POLR3A: variants seen among roughly 807,000 people sequenced by gnomAD.
The protein encoded by POLR3A is DNA-directed RNA polymerase III subunit RPC1.
Under a neutral mutation model 152.8 loss-of-function variants are expected in POLR3A, and 112 were observed. The ratio of observed to expected loss-of-function variants is 0.73; its 90% CI spans 0.63 to 0.86. POLR3A has a LOEUF of 0.86. Ranked by LOEUF, POLR3A falls within the 40% of genes least tolerant of loss-of-function variation. The probability of loss-of-function intolerance (pLI) is 0.00; values close to 1 mark genes in which losing one functional copy is unlikely to be tolerated. For missense variants in POLR3A, 1,385 were observed against 1,743.1 expected (o/e 0.79, Z 3.66); for synonymous variants, 615 against 652.1 (o/e 0.94, Z 0.87).
intron 5 of POLR3A, among the ~76,000 whole-genome samples, chr10:78,023,619 T>A (rs1847601458): frequency 6.6e-6 from 1 of 150,810 alleles, no homozygotes; most frequent in Admixed American, 6.6e-5. Flanking sequence ...CTACAACAAA[T>A]TAAAAAATTG....
chr10:78,023,356 A>C (rs904440946), intron 5 of POLR3A, among the ~76,000 whole-genome samples: 1 of 152,110 alleles, frequency 6.6e-6, no homozygotes, highest in Non-Finnish European at 1.5e-5. Flanking sequence ...GCAACTCGGG[A>C]GGCTGAGGCA....
chr10:77,977,549 T>G lies in POLR3A; in HGVS notation c.4102A>C (p.Arg1368=). 1 of 1,614,050 alleles carries G rather than the reference T, an allele frequency of 6.2e-7. No individual in the cohort carries two copies. Among genetic ancestry groups the G allele is most frequent in the Non-Finnish European group, 8.5e-7 (1 of 1,179,932 alleles). ...GLFKLLHKAD[R]DPNPPKRPLI... ...GGCCTCTTGGGAGGGTTCGGGTCCC[T>G]GTCAGCCTTGTGAAGCAGCTTGAAG... The change falls in exon 31 of 31, where the codon AGG becomes CGG. Residue 1368 remains arginine, a synonymous_variant. Coordinates refer to ENST00000372371, the MANE Select transcript of POLR3A (RefSeq NM_007055.4).
intron 5 of POLR3A, among the ~76,000 whole-genome samples, chr10:78,023,094 GT>G (rs1177671232): frequency 3.3e-5 from 5 of 151,910 alleles, no homozygotes; most frequent in African/African-American, 1.2e-4. Context: ...GGAGGCAGAG[GT>G]TGCCGTGAGC....
At chr10:78,011,876 T>C (rs569010026) in intron 11 of POLR3A, among the ~76,000 whole-genome samples, 100 of 152,318 alleles carry the variant, frequency 6.6e-4, no homozygotes, top group Non-Finnish European at 1.2e-3. Flanking sequence ...CCCAAAATCC[T>C]TGGAGACTTT....
Position 78,029,499 on chromosome 10 carries a change from G to A in POLR3A, c.-92C>T. The A allele has an allele frequency of 7.7e-7, 1 of 1,303,328 alleles. No homozygotes were observed. Among genetic ancestry groups the A allele is most frequent in the Non-Finnish European group, 1.1e-6 (1 of 906,900 alleles). The allele number at this position is 1,303,328 out of a possible 1,614,324, so 80.7% of individuals were successfully genotyped here. A position where few individuals can be genotyped will look rare whatever the true frequency, so the allele number is the denominator to read the frequency against. ...ACCTCCTGGGGCTGCTTCTGGACTC[G>A]CCGCTAACACATCTGCGGCATCCTC... On this transcript the variant is annotated 5_prime_UTR_variant, in exon 1 of 31. Coordinates refer to ENST00000372371, the MANE Select transcript of POLR3A (RefSeq NM_007055.4).
chr10:78,021,720 T>C (rs774920914), intron 7 of POLR3A, 38 bp from the exon 8 acceptor site: 3 of 1,612,848 alleles, frequency 1.9e-6, no homozygotes, highest in East Asian at 4.5e-5. Flanking sequence ...CCCCATGGCA[T>C]ACCATGTGCT....
In POLR3A at chr10:78,009,385, A is replaced by G. The variant is rs151195015; in HGVS notation, c.1909+152T>C. The G allele has an allele frequency of 5.2e-4, 505 of 973,478 alleles. 2 individuals are homozygous for G. The African/African-American group carries it at 7.4e-3, about 14-fold the overall frequency. The allele number at this position is 973,478 out of a possible 1,614,324, so 60.3% of individuals were successfully genotyped here. On this transcript the variant is annotated intron_variant, in intron 14 of 30. Transcript: ENST00000372371. The stretch of plus-strand genomic sequence containing the variant: ...AATTACATCTGAGAGAAGAAAAACC[A>G]GCTACATTTTCCTGAAGAAAAAACT...
intron 11 of POLR3A, among the ~76,000 whole-genome samples, chr10:78,012,401 A>C (rs1159194757): frequency 6.6e-6 from 1 of 151,944 alleles, no homozygotes; most frequent in Non-Finnish European, 1.5e-5. Flanking sequence ...AAAGAAAAAG[A>C]AAAAAAATCT....
At position 77,977,486 on chromosome 10, in the gene POLR3A, CA is replaced by C. The variant is rs1174647240; in HGVS notation, c.4164del (p.Val1389SerfsTer88). ...IFDTNEFHIP[L>X]VT Reference sequence around the variant, plus strand: ...TCCCCTCTTTCTTTGGACTATGTGACAAGGGGGATGTGGAATTCATTTGTGT... The same window carrying C: ...TCCCCTCTTTCTTTGGACTATGTGACAGGGGGATGTGGAATTCATTTGTGT... On this transcript the variant is annotated frameshift_variant, in exon 31 of 31. Coordinates refer to ENST00000372371, the MANE Select transcript of POLR3A (RefSeq NM_007055.4). LOFTEE classifies it high-confidence loss of function. 2 of 1,613,868 alleles carry C rather than the reference CA, an allele frequency of 1.2e-6. No homozygotes were observed. The highest frequency in any genetic ancestry group is 1.7e-6 in the Non-Finnish European group (2 of 1,179,962).
At chr10:77,982,038 CAAAAAAAAAAAAAA>C (rs553149963) in intron 28 of POLR3A, 102 bp downstream of exon 28, 11 of 277,038 alleles carry the variant, frequency 4.0e-5, no homozygotes, top group African/African-American at 1.7e-4. Context: ...GACTCCATCT[CAAAAAAAAAAAAAA>C]AAAAAAAAAA....
intron 3 of POLR3A, 101 bp downstream of exon 3, chr10:78,025,521 T>C: frequency 1.8e-6 from 2 of 1,132,634 alleles, no homozygotes; most frequent in Non-Finnish European, 2.7e-6. Flanking sequence ...AAGAGTCCCC[T>C]AGATGTATCC....
In POLR3A at chr10:78,021,539, C is replaced by A; in HGVS notation, c.1185+7G>T. ...ACAAAGAATTGAGCAGCTGAGTGGT[C>A]ACTTACCTTCTCAGGAAAAGTTAGA... On this transcript the variant is annotated splice_region_variant and intron_variant, in intron 8 of 30. Transcript: ENST00000372371. The A allele has an allele frequency of 6.2e-7, 1 of 1,613,796 alleles. No homozygotes were observed. Among genetic ancestry groups the A allele is most frequent in the Non-Finnish European group, 8.5e-7 (1 of 1,179,738 alleles).
intron 16 of POLR3A, among the ~76,000 whole-genome samples, chr10:78,004,096 T>C (rs2131945207): frequency 6.6e-6 from 1 of 152,126 alleles, no homozygotes; most frequent in South Asian, 2.1e-4. Context: ...TAGCTGGTCA[T>C]GGTGGCATGT....
intron 29 of POLR3A, 67 bp from the exon 30 acceptor site, chr10:77,980,340 G>C: frequency 2.0e-6 from 3 of 1,492,796 alleles, no homozygotes; most frequent in South Asian, 2.3e-5. Context: ...ACCAAAGCAC[G>C]GTGCACCTTC....
chr10:77,996,760 T>C (rs955808288), intron 19 of POLR3A, among the ~76,000 whole-genome samples: 21 of 152,200 alleles, frequency 1.4e-4, no homozygotes, highest in African/African-American at 4.8e-4. Flanking sequence ...CCATTCCTTC[T>C]GAAACTACTC....
chr10:78,011,936 T>C (rs1255270416), intron 11 of POLR3A, among the ~76,000 whole-genome samples: 2 of 152,240 alleles, frequency 1.3e-5, no homozygotes, highest in African/African-American at 4.8e-5. Context: ...TGTAACACAA[T>C]GTCCACAGTA....
In POLR3A at chr10:77,991,104, A is replaced by T. The variant is rs1441464337; in HGVS notation, c.2851T>A (p.Ser951Thr). Residue 951 changes from serine to threonine, a missense_variant, in exon 21 of 31, where the codon TCC becomes ACC. Around this residue, in one of 7 missense-constraint regions of POLR3A, gnomAD observed 178 missense variants for 204.6 expected, o/e 0.87. Coordinates refer to ENST00000372371, the MANE Select transcript of POLR3A (RefSeq NM_007055.4). ...SKNELILTTE[S>T]IMKKSEFLCC... Reference sequence around the variant, plus strand: ...AGGAACTCACTCTTCTTCATGATGGACTCTGTGGTCAGGATCAGCTCGTTT... The same window carrying T: ...AGGAACTCACTCTTCTTCATGATGGTCTCTGTGGTCAGGATCAGCTCGTTT... The T allele has an allele frequency of 1.2e-6, 2 of 1,613,674 alleles. No homozygotes were observed. The highest frequency in any genetic ancestry group is 1.7e-6 in the Non-Finnish European group (2 of 1,179,724).
At chr10:78,025,534 C>G in intron 3 of POLR3A, 88 bp downstream of exon 3, 1 of 1,315,008 alleles carries the variant, frequency 7.6e-7, no homozygotes, top group African/African-American at 1.4e-5. Context: ...ATGTATCCCC[C>G]ACCACTCACA....
intron 19 of POLR3A, among the ~76,000 whole-genome samples, chr10:77,999,438 T>G (rs1382440522): frequency 1.3e-5 from 2 of 152,084 alleles, no homozygotes; most frequent in African/African-American, 4.8e-5. Context: ...ACTTTTGTGG[T>G]AAAGTTTGAG....
Sources: gnomAD v4.1 joint callset for allele counts (sites outside exome capture counted in the v4.1 genomes callset) on GRCh38, gnomAD v4.1.1 for gene constraint, gnomAD v4.1.1 regional missense constraint, MANE v1.5 for transcripts, NCBI Gene and HGNC (gene_info 2026-07-23, HGNC 2026-07-21) for gene names.